XKR6: variants seen among roughly 807,000 people sequenced by gnomAD.
XKR6 encodes the protein XK related 6, also known as XK-related protein 6.
In XKR6, 22 loss-of-function variants were observed where a neutral mutation model predicts 56.7. The observed-to-expected ratio is 0.39, with a 90% CI of 0.28 to 0.55. XKR6 has a LOEUF of 0.55. Among genes scored for constraint, XKR6 ranks in the 20% least tolerant of loss-of-function variants. XKR6 has a pLI of 0.66. For synonymous variants in XKR6, 524 were observed against 387.8 expected (o/e 1.35, Z -4.13); for missense variants, 852 against 889.0 (o/e 0.96, Z 0.53).
At chr8:10,921,208 G>A (rs773521816) in intron 2 of XKR6, among the ~76,000 whole-genome samples, 5 of 152,228 alleles carry the variant, frequency 3.3e-5, no homozygotes, top group Non-Finnish European at 7.3e-5. Flanking sequence ...TTGGTGCCCA[G>A]CCCTTTCTGT....
chr8:10,956,431 G>A (rs1354320076), intron 1 of XKR6, among the ~76,000 whole-genome samples: 1 of 152,184 alleles, frequency 6.6e-6, no homozygotes, highest in Non-Finnish European at 1.5e-5. Context: ...AGCAGGCACT[G>A]CACCTACCCC....
intron 1 of XKR6, among the ~76,000 whole-genome samples, chr8:11,164,271 T>C (rs558806815): frequency 1.3e-5 from 2 of 152,360 alleles, no homozygotes; most frequent in Non-Finnish European, 2.9e-5. Context: ...TCTGTAATTG[T>C]GTGGCATAGC....
At chr8:11,056,259 T>C (rs1465315430) in intron 1 of XKR6, among the ~76,000 whole-genome samples, 1 of 152,224 alleles carries the variant, frequency 6.6e-6, no homozygotes. Flanking sequence ...GCCTGCTTTT[T>C]ATTTATGCGT....
At chr8:10,965,234 C>T (rs973475815) in intron 1 of XKR6, among the ~76,000 whole-genome samples, 2 of 152,238 alleles carry the variant, frequency 1.3e-5, no homozygotes, top group Non-Finnish European at 1.5e-5. Flanking sequence ...CTTCCCAGTT[C>T]GGCTCATCTG....
intron 1 of XKR6, among the ~76,000 whole-genome samples, chr8:11,198,666 A>G (rs11783045): frequency 0.3 from 46,295 of 152,052 alleles, 7,749 homozygotes; most frequent in Non-Finnish European, 0.37. Flanking sequence ...ATTCTACTCC[A>G]ATTTCATTCT....
intron 1 of XKR6, among the ~76,000 whole-genome samples, chr8:11,127,075 T>A (rs986674559): frequency 1.3e-5 from 2 of 152,320 alleles, no homozygotes; most frequent in African/African-American, 4.8e-5. Context: ...TCTAGGACAG[T>A]AGAGTACTAA....
At chr8:11,179,979 A>C (rs58292393) in intron 1 of XKR6, among the ~76,000 whole-genome samples, 1 of 151,984 alleles carries the variant, frequency 6.6e-6, no homozygotes, top group African/African-American at 2.4e-5. Flanking sequence ...CAAAAAGCAA[A>C]AAAATAAAAA....
chr8:11,180,868 T>C (rs760313589), intron 1 of XKR6, among the ~76,000 whole-genome samples: 3 of 152,186 alleles, frequency 2.0e-5, no homozygotes, highest in African/African-American at 4.8e-5. Flanking sequence ...GATCATGTTA[T>C]TGCACTACAG....
chr8:11,053,360 A>G (rs1799602950), intron 1 of XKR6, among the ~76,000 whole-genome samples: 1 of 152,094 alleles, frequency 6.6e-6, no homozygotes, highest in East Asian at 1.9e-4. Flanking sequence ...GAGCGGCCTG[A>G]CTCCCCTGCC....
At chr8:11,100,286 C>T (rs1442314097) in intron 1 of XKR6, among the ~76,000 whole-genome samples, 4 of 152,254 alleles carry the variant, frequency 2.6e-5, no homozygotes. Context: ...AATTCTTGGG[C>T]TCAAGCAATC....
rs928430008 is a variant in XKR6, at chr8:10,897,150, G to T, written c.*802C>A. The T allele has an allele frequency of 6.6e-6, 1 of 152,584 alleles. No homozygotes were observed. The highest frequency in any genetic ancestry group is 1.5e-5 in the Non-Finnish European group (1 of 68,032). 9.5% of individuals were successfully genotyped at this position (152,584 alleles called of 1,614,324 possible). A position where few individuals can be genotyped will look rare whatever the true frequency, so the allele number is the denominator to read the frequency against. On this transcript the variant is annotated 3_prime_UTR_variant, in exon 3 of 3. Coordinates refer to ENST00000416569, the MANE Select transcript of XKR6 (RefSeq NM_173683.4). ...CAAATGCTAAAATGGCACATAATCA[G>T]CCTTCAAGTAGCTTCTCCAGCCATT...
At chr8:11,100,502 A>C (rs368332985) in intron 1 of XKR6, among the ~76,000 whole-genome samples, 21 of 152,332 alleles carry the variant, frequency 1.4e-4, no homozygotes, top group African/African-American at 5.1e-4. Flanking sequence ...GTGAGATCTT[A>C]TGACCACGAA....
At chr8:11,020,574 A>T (rs1456214723) in intron 1 of XKR6, among the ~76,000 whole-genome samples, 1 of 152,204 alleles carries the variant, frequency 6.6e-6, no homozygotes, top group Admixed American at 6.5e-5. Context: ...GGGCTTTGAC[A>T]GAGAGAAGCC....
At chr8:10,913,375 A>T (rs1342876569) in intron 2 of XKR6, among the ~76,000 whole-genome samples, 1 of 151,964 alleles carries the variant, frequency 6.6e-6, no homozygotes, top group Non-Finnish European at 1.5e-5. Flanking sequence ...TAAGGTGAAA[A>T]TGAGGCTCAC....
chr8:10,994,479 G>A (rs1407911239), intron 1 of XKR6, among the ~76,000 whole-genome samples: 1 of 152,218 alleles, frequency 6.6e-6, no homozygotes, highest in Non-Finnish European at 1.5e-5. Flanking sequence ...TTTGCCAGAG[G>A]AAGGGCAGAG....
chr8:10,952,535 C>A (rs572391807), intron 1 of XKR6, among the ~76,000 whole-genome samples: 4 of 152,286 alleles, frequency 2.6e-5, no homozygotes, highest in Non-Finnish European at 4.4e-5. Context: ...CTCACTGCAG[C>A]CTCGAACTTT....
chr8:11,041,155 C>T (rs1296953014), intron 1 of XKR6, among the ~76,000 whole-genome samples: 2 of 152,102 alleles, frequency 1.3e-5, no homozygotes, highest in Admixed American at 1.3e-4. Flanking sequence ...TACCGTACAT[C>T]CCTGAAACGC....
chr8:10,912,035 T>C (rs1467505300), intron 2 of XKR6, among the ~76,000 whole-genome samples: 1 of 149,900 alleles, frequency 6.7e-6, no homozygotes, highest in Non-Finnish European at 1.5e-5. Context: ...GGTGAGTATA[T>C]ATACACACAT....
At chr8:11,149,713 C>A (rs2099248852) in intron 1 of XKR6, among the ~76,000 whole-genome samples, 1 of 152,016 alleles carries the variant, frequency 6.6e-6, no homozygotes. Flanking sequence ...AAAAACAGAA[C>A]CACTATATAT....
Sources: allele counts gnomAD v4.1 joint callset (sites outside exome capture counted in the v4.1 genomes callset), GRCh38; gene constraint gnomAD v4.1.1; transcripts MANE v1.5; gene names NCBI Gene and HGNC (gene_info 2026-07-23, HGNC 2026-07-21).